DOCK4: variants seen among roughly 807,000 people sequenced by gnomAD.
DOCK4 encodes dedicator of cytokinesis protein 4.
In DOCK4, 97 loss-of-function variants were observed where a neutral mutation model predicts 268.1. The ratio of observed to expected loss-of-function variants is 0.36; its 90% CI spans 0.31 to 0.43. DOCK4 has a LOEUF of 0.43. Ranked by LOEUF, DOCK4 falls within the 20% of genes least tolerant of loss-of-function variation. The pLI is 1.00. For synonymous variants in DOCK4, 954 were observed against 887.2 expected (o/e 1.08, Z -1.34); for missense variants, 2,145 against 2,455.7 (o/e 0.87, Z 2.67).
intron 24 of DOCK4, 60 bp downstream of exon 24, chr7:111,846,939 C>T: frequency 6.5e-7 from 1 of 1,548,560 alleles, no homozygotes; most frequent in Non-Finnish European, 8.8e-7. Context: ...TAGACTATTA[C>T]AAGTTTATTT....
At chr7:112,088,970 T>C (rs962795874) in intron 1 of DOCK4, among the ~76,000 whole-genome samples, 4 of 152,152 alleles carry the variant, frequency 2.6e-5, no homozygotes, top group Admixed American at 2.0e-4. Flanking sequence ...CTTGTTTTTA[T>C]ATGTTGTCAA....
chr7:111,731,565 T>TATC (rs1011773695), intron 52 of DOCK4, among the ~76,000 whole-genome samples: 2 of 152,218 alleles, frequency 1.3e-5, no homozygotes, highest in Admixed American at 1.3e-4. Flanking sequence ...TATTATTCTT[T>TATC]ATCTTCATGA....
At chr7:111,993,664 T>C (rs1302197881) in intron 5 of DOCK4, among the ~76,000 whole-genome samples, 1 of 152,224 alleles carries the variant, frequency 6.6e-6, no homozygotes, top group East Asian at 1.9e-4. Flanking sequence ...ATACTACGTA[T>C]CTGCAAAACA....
In DOCK4 at chr7:111,847,732, C is replaced by T. The variant is rs117094232; in HGVS notation, c.2474-606G>A. On this transcript the variant is annotated intron_variant, in intron 23 of 52. Coordinates refer to ENST00000428084, the MANE Select transcript of DOCK4 (RefSeq NM_001363540.2). ...CATGTAAGATGTGCCTTTCACCTTC[C>T]GCCATGATTGTGAGGCCTTCTCATC... Among the ~76,000 whole-genome samples, 1,480 of 152,284 alleles carry T rather than the reference C, an allele frequency of 9.7e-3. 22 individuals carry two copies. The highest frequency in any genetic ancestry group is 0.031 in the African/African-American group (1,292 of 41,536).
At chr7:111,763,693 C>T (rs1261434310) in intron 39 of DOCK4, among the ~76,000 whole-genome samples, 5 of 152,008 alleles carry the variant, frequency 3.3e-5, no homozygotes, top group East Asian at 1.9e-4. Context: ...GACCCTGCTG[C>T]GCAATCCCCA....
chr7:111,749,564 T>C (rs1329053612), intron 42 of DOCK4, among the ~76,000 whole-genome samples: 1 of 152,092 alleles, frequency 6.6e-6, no homozygotes, highest in Non-Finnish European at 1.5e-5. Context: ...AAAAATCAAA[T>C]TTTCTAAAAG....
At chr7:112,046,281 T>G (rs1047451152) in intron 1 of DOCK4, among the ~76,000 whole-genome samples, 3 of 152,210 alleles carry the variant, frequency 2.0e-5, no homozygotes, top group Non-Finnish European at 4.4e-5. Context: ...TATACAACTT[T>G]GGAATTCTCA....
intron 1 of DOCK4, among the ~76,000 whole-genome samples, chr7:112,013,587 C>T (rs1037841029): frequency 6.6e-6 from 1 of 152,200 alleles, no homozygotes; most frequent in African/African-American, 2.4e-5. Flanking sequence ...CTTTTCCCTC[C>T]ACTTGACATG....
chr7:111,892,770 T>C (rs1808404162), intron 16 of DOCK4, among the ~76,000 whole-genome samples: 1 of 152,170 alleles, frequency 6.6e-6, no homozygotes, highest in African/African-American at 2.4e-5. Context: ...GGTAATATGG[T>C]TTCATAATCA....
At chr7:112,156,611 C>T (rs1298011589) in intron 1 of DOCK4, among the ~76,000 whole-genome samples, 3 of 152,262 alleles carry the variant, frequency 2.0e-5, no homozygotes, top group East Asian at 1.9e-4. Flanking sequence ...GATTTGGAGA[C>T]TCTCTACATT....
At chr7:111,825,923 T>A (rs780890793) in intron 26 of DOCK4, among the ~76,000 whole-genome samples, 20 of 152,340 alleles carry the variant, frequency 1.3e-4, no homozygotes, top group Non-Finnish European at 2.8e-4. Context: ...CACTAACATG[T>A]ACTGATTTAT....
At chr7:111,788,053 G>A (rs1156322781) in intron 32 of DOCK4, among the ~76,000 whole-genome samples, 3 of 152,072 alleles carry the variant, frequency 2.0e-5, no homozygotes, top group African/African-American at 7.2e-5. Context: ...AGATTCTATG[G>A]GTAGGGCAAC....
intron 1 of DOCK4, among the ~76,000 whole-genome samples, chr7:112,055,406 T>C (rs1353572352): frequency 1.3e-5 from 2 of 152,104 alleles, no homozygotes; most frequent in Non-Finnish European, 2.9e-5. Context: ...CCAATGAACC[T>C]ATCATGCACA....
At chr7:111,812,579 T>C (rs1459362486) in intron 27 of DOCK4, among the ~76,000 whole-genome samples, 1 of 152,194 alleles carries the variant, frequency 6.6e-6, no homozygotes, top group Non-Finnish European at 1.5e-5. Flanking sequence ...CATATTTGAT[T>C]ATCATAAAAG....
At chr7:111,935,773 T>C in intron 11 of DOCK4, 145 bp from the exon 12 acceptor site, 1 of 671,234 alleles carries the variant, frequency 1.5e-6, no homozygotes, top group East Asian at 2.7e-5. Context: ...GACTGTCAGT[T>C]TTAGCATGGT....
At chr7:112,020,247 A>G (rs1802197212) in intron 1 of DOCK4, among the ~76,000 whole-genome samples, 1 of 152,198 alleles carries the variant, frequency 6.6e-6, no homozygotes, top group Non-Finnish European at 1.5e-5. Flanking sequence ...ATGTGTAGAA[A>G]TAATAGATCA....
intron 39 of DOCK4, 52 bp from the exon 40 acceptor site, chr7:111,760,374 A>C: frequency 1.3e-6 from 2 of 1,566,296 alleles, no homozygotes; most frequent in Non-Finnish European, 1.7e-6. Flanking sequence ...AGTGGATTAC[A>C]GACAGAGCCA....
intron 1 of DOCK4, among the ~76,000 whole-genome samples, chr7:112,197,972 A>AG (rs2116853589): frequency 7.4e-6 from 1 of 134,826 alleles, no homozygotes; most frequent in East Asian, 2.0e-4. Flanking sequence ...CCTGCCTAGA[A>AG]AAAAAAAAAA....
intron 1 of DOCK4, among the ~76,000 whole-genome samples, chr7:112,131,997 T>A (rs999119502): frequency 3.9e-5 from 6 of 152,298 alleles, no homozygotes; most frequent in Non-Finnish European, 8.8e-5. Context: ...ACAAGCATCA[T>A]CATTGTGAGC....
Sources: gnomAD v4.1 joint callset for allele counts (sites outside exome capture counted in the v4.1 genomes callset) on GRCh38, gnomAD v4.1.1 for gene constraint, MANE v1.5 for transcripts, NCBI Gene and HGNC (gene_info 2026-07-23, HGNC 2026-07-21) for gene names.